Variants in NLRP3 observed in about 807,000 individuals in gnomAD.
NLRP3 encodes NLR family pyrin domain containing 3.
In NLRP3, 48 loss-of-function variants were observed where a neutral mutation model predicts 91.3. The ratio of observed to expected loss-of-function variants is 0.53; its 90% CI spans 0.42 to 0.67. The LOEUF (loss-of-function observed/expected upper bound fraction) is 0.67. Among genes scored for constraint, NLRP3 ranks in the 30% least tolerant of loss-of-function variants. The pLI is 0.00. For missense variants in NLRP3, 982 were observed against 1,276.9 expected, an observed-to-expected ratio of 0.77 and a Z score of 3.52; for synonymous variants, 561 against 507.9, an observed-to-expected ratio of 1.10 and a Z score of -1.41.
At chr1:247,430,738 A>G (rs1053112894) in intron 5 of NLRP3, among the ~76,000 whole-genome samples, 2 of 152,098 alleles carry the variant, frequency 1.3e-5, no homozygotes, top group African/African-American at 4.8e-5. Context: ...TGCCATTTAC[A>G]ACAATGGCAA....
intron 5 of NLRP3, among the ~76,000 whole-genome samples, chr1:247,430,431 GGC>G (rs138124144): frequency 1.5e-5 from 1 of 66,720 alleles, no homozygotes; most frequent in African/African-American, 3.5e-5. Flanking sequence ...GGCACAGTCA[GGC>G]ATGACTACAC....
chr1:247,425,466 C>T lies in NLRP3; in HGVS notation c.2017C>T (p.Arg673Trp), dbSNP rs762878488. 26 of 1,614,158 alleles carry T rather than the reference C, an allele frequency of 1.6e-5. No homozygotes were observed. The highest frequency in any genetic ancestry group is 7.7e-5 in the South Asian group (7 of 91,086). The change falls in exon 4 of 10, where the codon CGG becomes TGG. Residue 673 changes from arginine (R) to tryptophan (W), a missense_variant. Arg to Trp is a moderately radical substitution (Grantham distance 101). This residue lies in a region of NLRP3 where 373 missense variants were observed against 431.5 expected (regional missense o/e 0.86). Transcript: ENST00000336119. This position sits in a 1 kb window ranked among gnomAD's most constrained non-coding sequence, Gnocchi z 4.1. Reference sequence around the variant, plus strand: ...TTCCTTTTGCATTGAGAACTGTCATCGGGTGGAGTCACTGTCCCTGGGGTT... The same window carrying T: ...TTCCTTTTGCATTGAGAACTGTCATTGGGTGGAGTCACTGTCCCTGGGGTT... ...VSSFCIENCH[R>W]VESLSLGFLH... is the part of the protein sequence containing the mutation.
rs1426037593 is a variant in NLRP3, at chr1:247,425,356, A to G, written c.1907A>G (p.Gln636Arg). The change falls in exon 4 of 10, where the codon CAG becomes CGG. Residue 636 changes from glutamine to arginine, a missense_variant. This residue lies in a region of NLRP3 where 373 missense variants were observed against 431.5 expected (regional missense o/e 0.86). Coordinates refer to ENST00000336119, the MANE Select transcript of NLRP3 (RefSeq NM_001243133.2). This position sits in a 1 kb window ranked among gnomAD's most constrained non-coding sequence, Gnocchi z 4.1. ...TTGTTCTACTGTTTGTACGAGATGCAGGAGGAGGACTTCGTGCAAAGGGCC... is the reference window on the plus strand; with the variant it reads ...TTGTTCTACTGTTTGTACGAGATGCGGGAGGAGGACTTCGTGCAAAGGGCC... The part of the protein sequence containing the change: ...LELFYCLYEM[Q>R]EEDFVQRAMD... The G allele has an allele frequency of 2.5e-6, 4 of 1,614,206 alleles. No individual in the cohort carries two copies. In the South Asian group the frequency reaches 4.4e-5, roughly 18 times the overall value.
chr1:247,422,455 TA>T (rs1277452068), intron 2 of NLRP3, among the ~76,000 whole-genome samples: 3 of 152,060 alleles, frequency 2.0e-5, no homozygotes, highest in Admixed American at 2.0e-4. Context: ...ATATTTCCCC[TA>T]GTGACTAACT....
chr1:247,432,130 G>T lies in NLRP3; in HGVS notation c.2322-1973G>T, dbSNP rs1432126911. On this transcript the variant is annotated intron_variant, in intron 5 of 9. Transcript: ENST00000336119. ...AAACTCCTGACCTCGTGATCCACCC[G>T]CCTCGGCCTCCCAAAGTGCTGGGAT... Among the ~76,000 whole-genome samples, 4 of 152,218 alleles carry T rather than the reference G, an allele frequency of 2.6e-5. No individual in the cohort carries two copies. In the East Asian group the frequency reaches 5.8e-4, roughly 22 times the overall value.
At position 247,435,971 on chromosome 1, in the gene NLRP3, T is replaced by C. The variant is rs1221750300; in HGVS notation, c.2494T>C (p.Leu832=). The C allele has an allele frequency of 4.3e-6, 7 of 1,613,746 alleles. No individual in the cohort carries two copies. The highest frequency in any genetic ancestry group is 5.9e-6 in the Non-Finnish European group (7 of 1,179,964). Residue 832 remains leucine, a splice_region_variant and synonymous_variant, in exon 7 of 10, where the codon TTG becomes CTG. Coordinates refer to ENST00000336119, the MANE Select transcript of NLRP3 (RefSeq NM_001243133.2). ...GACATTCTGCCATCTCTATGGAAGG[T>C]TGGTCAGCTGCTGCCTCACATCAGC... ...HLLCNLKKLW[L]VSCCLTSACC... is the part of the protein sequence containing the mutation.
intron 4 of NLRP3, among the ~76,000 whole-genome samples, chr1:247,427,229 C>T (rs184049755): frequency 3.9e-5 from 6 of 152,288 alleles, no homozygotes; most frequent in Admixed American, 3.3e-4. Context: ...CTGAGGGCTC[C>T]ACCCTCATAA....
Position 247,423,185 on chromosome 1 carries a change from T to C in NLRP3, c.278-45T>C, listed in dbSNP as rs41303141. ...TAGGCCAGGTTTCAATTGCATCCTC[T>C]GTGATAATAGTTCTGGGTTTTGACA... On this transcript the variant is annotated intron_variant, in intron 2 of 9. Transcript: ENST00000336119. The C allele has an allele frequency of 9.3e-3, 15,063 of 1,613,048 alleles. 90 individuals carry two copies. Among genetic ancestry groups the C allele is most frequent in the Non-Finnish European group, 0.011 (13,408 of 1,179,344 alleles).
At chr1:247,441,123 CT>C (rs199915687) in intron 7 of NLRP3, among the ~76,000 whole-genome samples, 7 of 81,048 alleles carry the variant, frequency 8.6e-5, no homozygotes, top group East Asian at 6.8e-4. Context: ...CTCTCTTTTT[CT>C]TTTTCTCTTT....
intron 5 of NLRP3, among the ~76,000 whole-genome samples, chr1:247,430,386 C>T (rs1395148966): frequency 6.6e-6 from 1 of 152,052 alleles, no homozygotes; most frequent in East Asian, 1.9e-4. Context: ...GGCCTAGTCT[C>T]CTCTTCTTAC....
In NLRP3 at chr1:247,424,349, C is replaced by T. The variant is rs145826369; in HGVS notation, c.900C>T (p.Asp300=). ...CCTCCAGAATCCTCTTCCTCATGGACGGCTTCGATGAGCTGCAAGGTGCCT... is the reference window on the plus strand; with the variant it reads ...CCTCCAGAATCCTCTTCCTCATGGATGGCTTCGATGAGCTGCAAGGTGCCT... ...RKPSRILFLM[D]GFDELQGAFD... is the part of the protein sequence containing the mutation. Residue 300 remains aspartate (D), a synonymous_variant, in exon 4 of 10, where the codon GAC becomes GAT. Transcript: ENST00000336119. This position sits in a 1 kb window ranked among gnomAD's most constrained non-coding sequence, Gnocchi z 8.1. 2.0e-5 allele frequency: 32 copies of T among 1,613,942 alleles called. No homozygotes were observed. Among genetic ancestry groups the T allele is most frequent in the Middle Eastern group, 1.6e-4 (1 of 6,084 alleles).
intron 7 of NLRP3, 120 bp from the exon 8 acceptor site, chr1:247,443,852 T>C: frequency 1.1e-6 from 1 of 922,110 alleles, no homozygotes; most frequent in Non-Finnish European, 1.7e-6. Flanking sequence ...AGATGCTGGC[T>C]CCTGCTCTCT....
intron 4 of NLRP3, 48 bp from the exon 5 acceptor site, chr1:247,429,537 T>C (rs1252000218): frequency 3.7e-6 from 6 of 1,603,276 alleles, no homozygotes; most frequent in Non-Finnish European, 5.1e-6. Flanking sequence ...CAGTTAGTTA[T>C]TATTCGAGGC....
chr1:247,432,552 T>C (rs775965993), intron 5 of NLRP3, among the ~76,000 whole-genome samples: 6 of 152,176 alleles, frequency 3.9e-5, no homozygotes, highest in Non-Finnish European at 7.3e-5. Context: ...TTTAACCTTA[T>C]TTCTCCAACT....
chr1:247,422,179 GA>G (rs1662507685), intron 2 of NLRP3, among the ~76,000 whole-genome samples: 1 of 151,954 alleles, frequency 6.6e-6, no homozygotes, highest in African/African-American at 2.4e-5. Flanking sequence ...AGGAGTTTGA[GA>G]CCAGCCTGGG....
rs199913480 is a variant in NLRP3 at position 247,418,597 on chromosome 1, C to T, written c.-204C>T. On this transcript the variant is annotated 5_prime_UTR_variant, in exon 2 of 10. Coordinates refer to ENST00000336119, the MANE Select transcript of NLRP3 (RefSeq NM_001243133.2). The stretch of plus-strand genomic sequence containing the variant: ...GATTACAGGCGTGAGCCACTGTGCC[C>T]GGCCTTGGCTAACTTTTCAAAATTA... The T allele has an allele frequency of 6.4e-5, 41 of 643,080 alleles. No homozygotes were observed. Among genetic ancestry groups the T allele is most frequent in the South Asian group, 3.0e-4 (16 of 53,994 alleles). 39.8% of individuals were successfully genotyped at this position (643,080 alleles called of 1,614,324 possible).
chr1:247,423,454 C>T (rs1349026943), intron 3 of NLRP3, 105 bp downstream of exon 3: 2 of 1,323,370 alleles, frequency 1.5e-6, no homozygotes, highest in Admixed American at 3.4e-5. Context: ...GGTTCCTGCT[C>T]TTTGGAATGC....
At chr1:247,416,082 T>A (rs1205230580), upstream of NLRP3, 3 of 152,414 alleles carry the variant, frequency 2.0e-5, no homozygotes. Flanking sequence ...TTAGTCTCTC[T>A]GCCTCTGCTC....
chr1:247,442,739 C>T (rs1664316047), intron 7 of NLRP3, among the ~76,000 whole-genome samples: 1 of 152,126 alleles, frequency 6.6e-6, no homozygotes, highest in Non-Finnish European at 1.5e-5. Flanking sequence ...GTTTTAGCTG[C>T]ACTCCTTCCT....
Sources: gnomAD v4.1 joint callset for allele counts (sites outside exome capture counted in the v4.1 genomes callset) on GRCh38, gnomAD v4.1.1 for gene constraint, gnomAD v4.1.1 regional missense constraint, Gnocchi (gnomAD v3.1) non-coding constraint, MANE v1.5 for transcripts, NCBI Gene and HGNC (gene_info 2026-07-23, HGNC 2026-07-21) for gene names.